The following ZNF146 variants were observed in gnomAD, a reference collection of about 807,000 sequenced individuals.
The protein encoded by ZNF146 is zinc finger protein 146.
A neutral mutation model predicts 22.2 loss-of-function variants in ZNF146; 9 were observed. The observed-to-expected ratio is 0.41, with a 90% CI of 0.24 to 0.71. The LOEUF (loss-of-function observed/expected upper bound fraction) is 0.71, where lower values mean the gene tolerates loss of function less well. Ranked by LOEUF, ZNF146 falls within the 30% of genes least tolerant of loss-of-function variation. ZNF146 has a pLI of 0.34. For synonymous variants in ZNF146, 108 were observed against 119.2 expected (o/e 0.91, Z 0.61); for missense variants, 194 against 344.8 (o/e 0.56, Z 3.46).
chr19:36,226,626 A>G (rs999406545), intron 2 of ZNF146, among the ~76,000 whole-genome samples: 5 of 152,094 alleles, frequency 3.3e-5, no homozygotes, highest in Non-Finnish European at 4.4e-5. Context: ...TCCTTTATCT[A>G]TAAATACTTC....
intron 3 of ZNF146, among the ~76,000 whole-genome samples, chr19:36,229,171 G>A (rs1185351067): frequency 1.3e-5 from 2 of 152,120 alleles, no homozygotes; most frequent in African/African-American, 4.8e-5. Context: ...TGATATTCAG[G>A]TTCCTTTTTG....
chr19:36,235,412 C>A (rs961360695), intron 3 of ZNF146, among the ~76,000 whole-genome samples: 1 of 152,096 alleles, frequency 6.6e-6, no homozygotes, highest in Non-Finnish European at 1.5e-5. Flanking sequence ...CTACCTAGAT[C>A]ACCTCAAGTA....
chr19:36,237,018 TC>T lies in ZNF146; in HGVS notation c.579del (p.Ser194LeufsTer10). Reference sequence around the variant, plus strand: ...GAATGTAACGAATGTGGAAAAGCCTTCTCTCAGCGAACATCACTTATTGTAC... The same window carrying T: ...GAATGTAACGAATGTGGAAAAGCCTTTCTCAGCGAACATCACTTATTGTAC... ...PYECNECGKA[F>X]SQRTSLIVHV... On this transcript the variant is annotated frameshift_variant, in exon 4 of 4. Coordinates refer to ENST00000443387, the MANE Select transcript of ZNF146 (RefSeq NM_007145.3). LOFTEE classifies it high-confidence loss of function. 6.2e-7 allele frequency: 1 copy of T among 1,614,210 alleles called. No homozygotes were observed. Among genetic ancestry groups the T allele is most frequent in the Non-Finnish European group, 8.5e-7 (1 of 1,180,026 alleles).
chr19:36,226,754 T>G (rs1295474109), intron 2 of ZNF146, among the ~76,000 whole-genome samples: 6 of 152,188 alleles, frequency 3.9e-5, no homozygotes, highest in Admixed American at 3.9e-4. Flanking sequence ...ATATTCAAAT[T>G]TGGTCAGTCA....
At chr19:36,217,055 C>CTTTTG (rs1976640509) in intron 1 of ZNF146, among the ~76,000 whole-genome samples, 1 of 65,866 alleles carries the variant, frequency 1.5e-5, no homozygotes, top group South Asian at 8.1e-4. Flanking sequence ...CAGTCCCTGT[C>CTTTTG]TTTTTTTTTT....
intron 2 of ZNF146, among the ~76,000 whole-genome samples, chr19:36,226,870 G>A (rs1977089423): frequency 6.6e-6 from 1 of 152,092 alleles, no homozygotes; most frequent in Non-Finnish European, 1.5e-5. Flanking sequence ...TGGATCACCT[G>A]TGGTCGGGAG....
At chr19:36,217,061 T>TTTTTTTC (rs1397666957) in intron 1 of ZNF146, among the ~76,000 whole-genome samples, 7 of 130,286 alleles carry the variant, frequency 5.4e-5, no homozygotes, top group African/African-American at 2.0e-4. Flanking sequence ...CTGTCTTTTT[T>TTTTTTTC]TTTTTTTTTT....
At chr19:36,223,145 G>T (rs968603680) in intron 2 of ZNF146, among the ~76,000 whole-genome samples, 11 of 151,578 alleles carry the variant, frequency 7.3e-5, no homozygotes, top group African/African-American at 2.7e-4. Context: ...GGCTGGGCGC[G>T]ATGGCTCACG....
chr19:36,232,595 C>CTTTTT (rs1457900549), intron 3 of ZNF146, among the ~76,000 whole-genome samples: 1 of 139,412 alleles, frequency 7.2e-6, no homozygotes, highest in Admixed American at 7.3e-5. Flanking sequence ...CTGATCAGTT[C>CTTTTT]TTTTTTCTTT....
chr19:36,222,712 G>A (rs1156557083), intron 2 of ZNF146, among the ~76,000 whole-genome samples: 2 of 149,382 alleles, frequency 1.3e-5, no homozygotes, highest in African/African-American at 4.9e-5. Context: ...TTTCTATGGG[G>A]TGTCTTCTCC....
At chr19:36,233,050 T>C (rs1977457727) in intron 3 of ZNF146, among the ~76,000 whole-genome samples, 1 of 152,198 alleles carries the variant, frequency 6.6e-6, no homozygotes, top group Admixed American at 6.5e-5. Flanking sequence ...CATCATGATG[T>C]TTTACTTCTA....
Position 36,236,982 on chromosome 19 carries a change from A to G in ZNF146, c.542A>G (p.Glu181Gly). 1.2e-6 allele frequency: 2 copies of G among 1,614,220 alleles called. No homozygotes were observed. Among genetic ancestry groups the G allele is most frequent in the Non-Finnish European group, 1.7e-6 (2 of 1,180,026 alleles). Residue 181 changes from glutamate to glycine, a missense_variant, in exon 4 of 4, where the codon GAG (glutamate) becomes GGG (glycine). Physicochemically the swap from Glu to Gly is moderately conservative, Grantham distance 98. Around this residue, in one of 2 missense-constraint regions of ZNF146, gnomAD observed 147 missense variants for 300.1 expected, o/e 0.49. Transcript: ENST00000443387. ...AAACATCAGAACATTCACACTGGAG[A>G]GAAACCCTATGAATGTAACGAATGT... ...LIKHQNIHTG[E>G]KPYECNECGK... is the part of the protein sequence containing the mutation.
intron 2 of ZNF146, among the ~76,000 whole-genome samples, chr19:36,226,988 C>G (rs1230155291): frequency 1.3e-5 from 2 of 151,934 alleles, no homozygotes; most frequent in Non-Finnish European, 2.9e-5. Flanking sequence ...GAGGCTGAGA[C>G]AGGAGAATCA....
At position 36,237,511 on chromosome 19, in the gene ZNF146, A is replaced by G. The variant is rs1304004597; in HGVS notation, c.*192A>G. ...GCATATGATTAAAACCCTGTGTCCA[A>G]CAGAGAAACCTGCAGCAGAGATAAT... On this transcript the variant is annotated 3_prime_UTR_variant, in exon 4 of 4. Transcript: ENST00000443387. The G allele has an allele frequency of 1.1e-5, 6 of 560,568 alleles. No homozygotes were observed. Among genetic ancestry groups the G allele is most frequent in the Admixed American group, 3.8e-5 (1 of 26,094 alleles). 34.7% of individuals were successfully genotyped at this position (560,568 alleles called of 1,614,324 possible).
chr19:36,224,976 C>CCTGA (rs1977007519), intron 2 of ZNF146, among the ~76,000 whole-genome samples: 1 of 151,700 alleles, frequency 6.6e-6, no homozygotes, highest in Non-Finnish European at 1.5e-5. Flanking sequence ...TCCCTGCTTT[C>CCTGA]CTTAGTTATT....
intron 2 of ZNF146, among the ~76,000 whole-genome samples, chr19:36,222,470 A>G (rs1486618328): frequency 6.6e-6 from 1 of 152,222 alleles, no homozygotes; most frequent in African/African-American, 2.4e-5. Flanking sequence ...GGCGCTGCCC[A>G]GTGGGTAAGT....
rs529661873 is a variant in ZNF146, at chr19:36,219,371, C to G, written c.-855+1176C>G. Among the ~76,000 whole-genome samples, 5 of 152,138 alleles carry G rather than the reference C, an allele frequency of 3.3e-5. No individual in the cohort carries two copies. In the East Asian group the frequency reaches 5.8e-4, roughly 18 times the overall value. On this transcript the variant is annotated intron_variant, in intron 2 of 3. Transcript: ENST00000443387. The stretch of plus-strand genomic sequence containing the variant: ...GTAGAGATGGAGTCTTACTATGTTG[C>G]CCAGGCTGGAAGTTAGATTTCTGTG...
intron 3 of ZNF146, among the ~76,000 whole-genome samples, chr19:36,231,396 AC>A (rs1052877638): frequency 2.0e-5 from 3 of 151,964 alleles, no homozygotes; most frequent in African/African-American, 7.2e-5. Flanking sequence ...TTTTTTGGTA[AC>A]CAGTTTTCAC....
At chr19:36,223,404 C>T (rs542697665) in intron 2 of ZNF146, among the ~76,000 whole-genome samples, 265 of 152,180 alleles carry the variant, frequency 1.7e-3, no homozygotes, top group African/African-American at 5.7e-3. Flanking sequence ...TCTCCGTCCC[C>T]CAGGCTGGAA....
Sources: allele counts gnomAD v4.1 joint callset (sites outside exome capture counted in the v4.1 genomes callset), GRCh38; gene constraint gnomAD v4.1.1; regional missense constraint gnomAD v4.1.1; transcripts MANE v1.5; gene names NCBI Gene and HGNC (gene_info 2026-07-23, HGNC 2026-07-21).